The following SLC1A1 variants were observed in gnomAD, a reference collection of about 807,000 sequenced individuals.
SLC1A1 encodes excitatory amino acid transporter 3.
In SLC1A1, 43 loss-of-function variants were observed where a neutral mutation model predicts 53.3. The observed-to-expected ratio is 0.81, with a 90% CI of 0.63 to 1.04. The LOEUF (loss-of-function observed/expected upper bound fraction) is 1.04, where lower values mean the gene tolerates loss of function less well. SLC1A1 is among the 50% of genes least tolerant of loss of function. SLC1A1 has a pLI of 0.00. For missense variants in SLC1A1, 748 were observed against 664.9 expected, an observed-to-expected ratio of 1.12 and a Z score of -1.37; for synonymous variants, 307 against 243.2, an observed-to-expected ratio of 1.26 and a Z score of -2.44.
intron 1 of SLC1A1, among the ~76,000 whole-genome samples, chr9:4,503,713 C>T (rs1193937585): frequency 1.3e-5 from 2 of 151,872 alleles, no homozygotes; most frequent in East Asian, 1.9e-4. Flanking sequence ...GCTGTGCTTT[C>T]GCACTTTTTC....
At chr9:4,558,597 C>G (rs1818646930) in intron 2 of SLC1A1, among the ~76,000 whole-genome samples, 1 of 152,126 alleles carries the variant, frequency 6.6e-6, no homozygotes, top group South Asian at 2.1e-4. Context: ...CAGCTGAGTC[C>G]TGGAGTACAA....
At chr9:4,551,181 A>AG (rs565506325) in intron 2 of SLC1A1, among the ~76,000 whole-genome samples, 36 of 152,248 alleles carry the variant, frequency 2.4e-4, no homozygotes, top group Non-Finnish European at 5.0e-4. Context: ...GCTTTACAGC[A>AG]GATGACACAC....
chr9:4,541,368 C>T (rs10974611), intron 1 of SLC1A1, among the ~76,000 whole-genome samples: 15,702 of 152,218 alleles, frequency 0.1, 1,127 homozygotes, highest in South Asian at 0.28. Flanking sequence ...ATAATATTTT[C>T]TATACAAGCC....
chr9:4,498,265 T>G (rs1332700582), intron 1 of SLC1A1, among the ~76,000 whole-genome samples: 1 of 152,202 alleles, frequency 6.6e-6, no homozygotes, highest in Admixed American at 6.5e-5. Flanking sequence ...ATCAGTGACA[T>G]AGGGATAATC....
intron 1 of SLC1A1, among the ~76,000 whole-genome samples, chr9:4,510,512 G>C (rs891874550): frequency 1.1e-4 from 17 of 152,282 alleles, no homozygotes; most frequent in African/African-American, 3.9e-4. Flanking sequence ...TACCATAAGA[G>C]TCTAGAAACA....
At chr9:4,572,095 G>T (rs1357639259) in intron 6 of SLC1A1, 109 bp from the exon 7 acceptor site, 1 of 929,964 alleles carries the variant, frequency 1.1e-6, no homozygotes, top group South Asian at 1.3e-5. Context: ...CTGCCTGGGA[G>T]ATCACCAGTT....
At chr9:4,527,954 C>A (rs540738103) in intron 1 of SLC1A1, among the ~76,000 whole-genome samples, 1 of 152,058 alleles carries the variant, frequency 6.6e-6, no homozygotes, top group Non-Finnish European at 1.5e-5. Context: ...AAACTAAGAA[C>A]GAAAGAATAC....
chr9:4,512,923 C>T (rs1270601917), intron 1 of SLC1A1, among the ~76,000 whole-genome samples: 2 of 152,070 alleles, frequency 1.3e-5, no homozygotes, highest in Non-Finnish European at 2.9e-5. Context: ...AGCCACTGTA[C>T]CTGGCCCTCC....
At chr9:4,543,517 T>C (rs970105375) in intron 1 of SLC1A1, among the ~76,000 whole-genome samples, 5 of 152,246 alleles carry the variant, frequency 3.3e-5, no homozygotes, top group African/African-American at 9.6e-5. Flanking sequence ...TCCATACAAC[T>C]GAAGGATTTC....
chr9:4,580,643 G>GTATGTA (rs773009358), intron 10 of SLC1A1, among the ~76,000 whole-genome samples: 1 of 142,232 alleles, frequency 7.0e-6, no homozygotes, highest in African/African-American at 2.7e-5. Context: ...GTGTGTGTGT[G>GTATGTA]TGTGTGTGTA....
At chr9:4,513,979 C>CA (rs1378051798) in intron 1 of SLC1A1, among the ~76,000 whole-genome samples, 2 of 152,182 alleles carry the variant, frequency 1.3e-5, no homozygotes, top group Non-Finnish European at 2.9e-5. Flanking sequence ...ATGATAGCCT[C>CA]AAAAAGACAA....
chr9:4,556,629 G>C lies in SLC1A1; in HGVS notation c.233-4820G>C, dbSNP rs1303582527. 6.6e-6 allele frequency among the ~76,000 whole-genome samples: 1 copy of C among 152,168 alleles called. No homozygotes were observed. The highest frequency in any genetic ancestry group is 2.4e-5 in the African/African-American group (1 of 41,456). On this transcript the variant is annotated intron_variant, in intron 2 of 11. Coordinates refer to ENST00000262352, the MANE Select transcript of SLC1A1 (RefSeq NM_004170.6). This position sits in a 1 kb window ranked among gnomAD's most constrained non-coding sequence, Gnocchi z 4.1. ...TGAGGTTTTACTTGTTTGGGACTAA[G>C]TTGGGCCTGATCTTCGACGTCAACG...
intron 10 of SLC1A1, among the ~76,000 whole-genome samples, chr9:4,580,651 G>GTGTGTGTGTGTGTGTGTGTATGTGTGTA (rs370378540): frequency 8.4e-6 from 1 of 118,844 alleles, no homozygotes; most frequent in African/African-American, 3.3e-5. Flanking sequence ...GTGTGTGTGT[G>GTGTGTGTGTGTGTGTGTGTATGTGTGTA]TATAAGGAAT....
rs147118609 is a variant in SLC1A1, at chr9:4,530,046, T to C, written c.92-14521T>C. The stretch of plus-strand genomic sequence containing the variant: ...GAGAGTAACTTGAATATTTAAGAGC[T>C]TCCTTAAAATGCACCATAAATAATG... On this transcript the variant is annotated intron_variant, in intron 1 of 11. Coordinates refer to ENST00000262352, the MANE Select transcript of SLC1A1 (RefSeq NM_004170.6). Among the ~76,000 whole-genome samples, 330 of 152,288 alleles carry C rather than the reference T, an allele frequency of 2.2e-3. 1 individual carries two copies. Among genetic ancestry groups the C allele is most frequent in the African/African-American group, 7.6e-3 (318 of 41,570 alleles).
Position 4,517,593 on chromosome 9 carries a change from G to A in SLC1A1, c.91+26823G>A, listed in dbSNP as rs562752369. Among the ~76,000 whole-genome samples the A allele has an allele frequency of 2.0e-5, 3 of 152,292 alleles. No homozygotes were observed. The South Asian group carries it at 6.2e-4, about 32-fold the overall frequency. On this transcript the variant is annotated intron_variant, in intron 1 of 11. Coordinates refer to ENST00000262352, the MANE Select transcript of SLC1A1 (RefSeq NM_004170.6). ...GTCACCTTCCCTCTTCTGTTATTGT[G>A]TACCAGAATGAAAGATGACAGCCAG...
chr9:4,577,662 G>C (rs968188186), intron 10 of SLC1A1, among the ~76,000 whole-genome samples: 2 of 152,108 alleles, frequency 1.3e-5, no homozygotes, highest in Admixed American at 6.5e-5. Context: ...TTTTAGTAGA[G>C]ATGGGTTTCA....
chr9:4,537,039 G>C (rs967966858), intron 1 of SLC1A1, among the ~76,000 whole-genome samples: 8 of 151,488 alleles, frequency 5.3e-5, no homozygotes, highest in Non-Finnish European at 8.9e-5. Flanking sequence ...ACCAGGGCCT[G>C]TTGTGGAGTG....
At chr9:4,533,679 T>C (rs1023010513) in intron 1 of SLC1A1, among the ~76,000 whole-genome samples, 3 of 152,018 alleles carry the variant, frequency 2.0e-5, no homozygotes, top group Non-Finnish European at 4.4e-5. Context: ...AACAAGGATA[T>C]CCAGGAATTG....
intron 1 of SLC1A1, among the ~76,000 whole-genome samples, chr9:4,510,250 G>T (rs1820955606): frequency 6.6e-6 from 1 of 152,166 alleles, no homozygotes; most frequent in Non-Finnish European, 1.5e-5. Context: ...ATCTCCTGCT[G>T]TTCACACAAG....
Sources: allele counts gnomAD v4.1 joint callset (sites outside exome capture counted in the v4.1 genomes callset), GRCh38; gene constraint gnomAD v4.1.1; non-coding constraint Gnocchi (gnomAD v3.1); transcripts MANE v1.5; gene names NCBI Gene and HGNC (gene_info 2026-07-23, HGNC 2026-07-21).